The following PLEKHA8 variants were observed in gnomAD, a reference collection of about 807,000 sequenced individuals.
PLEKHA8 encodes the protein pleckstrin homology domain-containing family A member 8.
PLEKHA8 carries 36 observed loss-of-function variants against 68.2 expected under a neutral mutation model. That is an observed-to-expected ratio of 0.53 (90% CI 0.40 to 0.70). PLEKHA8 has a LOEUF of 0.70. Among genes scored for constraint, PLEKHA8 ranks in the 30% least tolerant of loss-of-function variants. The pLI is 0.00. For missense variants in PLEKHA8, 505 were observed against 615.4 expected (o/e 0.82, Z 1.90); for synonymous variants, 211 against 216.1 (o/e 0.98, Z 0.20).
chr7:30,119,896 CTCTT>C (rs1796667327), intron 13 of PLEKHA8, among the ~76,000 whole-genome samples: 1 of 152,170 alleles, frequency 6.6e-6, no homozygotes, highest in South Asian at 2.1e-4. Context: ...CTAAATATAA[CTCTT>C]TCTTATTGGT....
chr7:30,044,109 C>T (rs537635989), intron 1 of PLEKHA8, among the ~76,000 whole-genome samples: 4 of 149,892 alleles, frequency 2.7e-5, no homozygotes, highest in East Asian at 3.9e-4. Flanking sequence ...CGGGTTCAAG[C>T]GATTCTCCTG....
downstream of PLEKHA8, among the ~76,000 whole-genome samples, chr7:30,092,026 A>C (rs185992896): frequency 2.6e-5 from 4 of 152,292 alleles, no homozygotes; most frequent in African/African-American, 9.6e-5. Context: ...CTCTTGTGGC[A>C]TGTATGTGAG....
intron 12 of PLEKHA8, among the ~76,000 whole-genome samples, chr7:30,069,084 GAC>G (rs1176901555): frequency 1.3e-5 from 2 of 152,114 alleles, no homozygotes; most frequent in Non-Finnish European, 2.9e-5. Context: ...GCTTTAAAAA[GAC>G]ATGAGTTATA....
chr7:30,116,048 A>C (rs1308746152), intron 13 of PLEKHA8: 1 of 147,168 alleles, frequency 6.8e-6, no homozygotes, highest in Non-Finnish European at 1.5e-5. Context: ...GCGCATACGC[A>C]TACATACGTA....
chr7:30,033,424 C>T (rs1006347855), intron 1 of PLEKHA8, among the ~76,000 whole-genome samples: 3 of 152,018 alleles, frequency 2.0e-5, no homozygotes, highest in African/African-American at 7.2e-5. Flanking sequence ...GCTGCTTTCC[C>T]GTAGCATAAT....
chr7:30,087,013 A>G (rs114764925), downstream of PLEKHA8, among the ~76,000 whole-genome samples: 735 of 152,312 alleles, frequency 4.8e-3, 9 homozygotes, highest in African/African-American at 0.016. Context: ...CACGTTTGGG[A>G]TGATTTGCTG....
Position 30,036,858 on chromosome 7 carries a change from A to G in PLEKHA8, c.40+8056A>G, listed in dbSNP as rs369388838. Among the ~76,000 whole-genome samples the G allele has an allele frequency of 5.5e-4, 83 of 152,226 alleles. 1 individual carries two copies. The highest frequency in any genetic ancestry group is 4.8e-5 in the African/African-American group (2 of 41,458). On this transcript the variant is annotated intron_variant, in intron 1 of 13. Coordinates refer to ENST00000449726, the MANE Select transcript of PLEKHA8 (RefSeq NM_001197026.2). The stretch of plus-strand genomic sequence containing the variant: ...TAATTAATGGTAAATTAAGAAGCCT[A>G]TAATTTAGCTAATGCTTGGGTAACT...
chr7:30,057,771 T>G (rs1010856293), intron 9 of PLEKHA8, among the ~76,000 whole-genome samples: 1 of 152,234 alleles, frequency 6.6e-6, no homozygotes, highest in Non-Finnish European at 1.5e-5. Flanking sequence ...AATTTGGGAC[T>G]ATTATAAATG....
chr7:30,107,676 A>G lies in PLEKHA8; in HGVS notation c.1363-21590A>G, dbSNP rs989425253. On this transcript the variant is annotated intron_variant, in intron 13 of 13. Coordinates refer to the PLEKHA8 transcript ENST00000396257. ...TTCATAATTACATACAATTTTTGCTATAGGTTCTTTGGTAGCTGCCATTTA... is the reference window on the plus strand; with the variant it reads ...TTCATAATTACATACAATTTTTGCTGTAGGTTCTTTGGTAGCTGCCATTTA... Among the ~76,000 whole-genome samples the G allele has an allele frequency of 3.9e-5, 6 of 152,162 alleles. 1 individual carries two copies. In the South Asian group the frequency reaches 6.2e-4, roughly 16 times the overall value.
intron 13 of PLEKHA8, among the ~76,000 whole-genome samples, chr7:30,110,280 G>T (rs909015592): frequency 5.3e-5 from 8 of 152,112 alleles, no homozygotes; most frequent in Admixed American, 5.2e-4. Context: ...TGTGTGTGGT[G>T]TTTTATGTCT....
chr7:30,089,424 T>C (rs1346922168), downstream of PLEKHA8, among the ~76,000 whole-genome samples: 3 of 151,042 alleles, frequency 2.0e-5, no homozygotes, highest in Admixed American at 6.6e-5. Flanking sequence ...TTCTGTCTGC[T>C]CAATGTCTGT....
At chr7:30,096,857 A>T (rs1795641522) in intron 13 of PLEKHA8, among the ~76,000 whole-genome samples, 1 of 152,112 alleles carries the variant, frequency 6.6e-6, no homozygotes, top group South Asian at 2.1e-4. Context: ...TGTGAATTTG[A>T]TCCTGTCATT....
rs949139824 is a variant in PLEKHA8, at chr7:30,082,561, GA to G, written c.*3781del. On this transcript the variant is annotated 3_prime_UTR_variant, in exon 14 of 14. Transcript: ENST00000449726. The stretch of plus-strand genomic sequence containing the variant: ...AGATGATTATTAGAGGAGTGCAGCG[GA>G]AAAAAATTTGCACTCTTCTCCTTTT... 1.3e-5 allele frequency: 13 copies of G among 985,136 alleles called. No individual in the cohort carries two copies. The highest frequency in any genetic ancestry group is 1.7e-5 in the African/African-American group (1 of 57,186). The allele number at this position is 985,136 out of a possible 1,614,324, so 61.0% of individuals were successfully genotyped here.
rs1796331361 is a variant in PLEKHA8, at chr7:30,113,363, T to G, written c.1363-15903T>G. ...AGTTATAAAATTCTAGCTTATCAGT[T>G]ATTTTCCCTCTATATTTTGAAGATA... On this transcript the variant is annotated intron_variant, in intron 13 of 13. Coordinates refer to the PLEKHA8 transcript ENST00000396257. Among the ~76,000 whole-genome samples the G allele has an allele frequency of 3.3e-5, 5 of 152,320 alleles. No homozygotes were observed. In the South Asian group the frequency reaches 1.0e-3, roughly 32 times the overall value.
Position 30,057,136 on chromosome 7 carries a change from C to T in PLEKHA8, c.1039+1794C>T, listed in dbSNP as rs112113182. 5.1e-4 allele frequency among the ~76,000 whole-genome samples: 78 copies of T among 152,062 alleles called. 1 individual carries two copies. Among genetic ancestry groups the T allele is most frequent in the Middle Eastern group, 3.4e-3 (1 of 294 alleles). On this transcript the variant is annotated intron_variant, in intron 9 of 13. Transcript: ENST00000449726. The stretch of plus-strand genomic sequence containing the variant: ...TGAATTTTGACAAATGCATCTACCT[C>T]TCTAATCCATATCCTTATCAAGAAA...
intron 13 of PLEKHA8, among the ~76,000 whole-genome samples, chr7:30,116,614 T>A (rs1209307155): frequency 6.6e-6 from 1 of 152,226 alleles, no homozygotes; most frequent in African/African-American, 2.4e-5. Flanking sequence ...ATTAACATTG[T>A]GCCGCTGATA....
At chr7:30,122,494 C>T (rs1265091954) in intron 13 of PLEKHA8, among the ~76,000 whole-genome samples, 3 of 152,170 alleles carry the variant, frequency 2.0e-5, no homozygotes, top group Non-Finnish European at 2.9e-5. Flanking sequence ...GTACCTTGCA[C>T]TTGTATGTAT....
chr7:30,062,105 G>T, intron 11 of PLEKHA8, 78 bp downstream of exon 11: 1 of 1,497,394 alleles, frequency 6.7e-7, no homozygotes, highest in Admixed American at 2.2e-5. Flanking sequence ...TTACACAAAG[G>T]AGACTACTTC....
At chr7:30,109,760 C>T (rs912807697) in intron 13 of PLEKHA8, among the ~76,000 whole-genome samples, 1 of 151,090 alleles carries the variant, frequency 6.6e-6, no homozygotes, top group African/African-American at 2.4e-5. Flanking sequence ...CAACCTTCGC[C>T]TCCCGGGCTC....
Sources: allele counts gnomAD v4.1 joint callset (sites outside exome capture counted in the v4.1 genomes callset), GRCh38; gene constraint gnomAD v4.1.1; transcripts MANE v1.5; gene names NCBI Gene and HGNC (gene_info 2026-07-23, HGNC 2026-07-21).